The following OSGEP variants were observed in gnomAD, a reference collection of about 807,000 sequenced individuals.
The protein encoded by OSGEP is tRNA N6-adenosine threonylcarbamoyltransferase.
Under a neutral mutation model 44.1 loss-of-function variants are expected in OSGEP, and 39 were observed. The observed-to-expected ratio is 0.88, with a 90% CI of 0.69 to 1.16. The LOEUF (loss-of-function observed/expected upper bound fraction) is 1.16, where lower values mean the gene tolerates loss of function less well. Ranked by LOEUF, OSGEP falls within the 50% of genes most tolerant of loss-of-function variation. The pLI, the probability that OSGEP is intolerant of heterozygous loss-of-function variation, is 0.00. For synonymous variants in OSGEP, 139 were observed against 161.9 expected (o/e 0.86, Z 1.07); for missense variants, 403 against 443.1 (o/e 0.91, Z 0.81).
Position 20,448,829 on chromosome 14 carries a change from T to C in OSGEP, c.558-18A>G. ...TCTTGCCTCTATGTGGGAATAAGCG[T>C]ACGAGGCACTAAGCCTACAGTCAGC... On this transcript the variant is annotated intron_variant, in intron 5 of 10. Coordinates refer to ENST00000206542, the MANE Select transcript of OSGEP (RefSeq NM_017807.4). 6 of 1,597,832 alleles carry C rather than the reference T, an allele frequency of 3.8e-6. No homozygotes were observed. Among genetic ancestry groups the C allele is most frequent in the Non-Finnish European group, 5.1e-6 (6 of 1,165,084 alleles).
At chr14:20,452,529 T>C (rs1881129854) in intron 1 of OSGEP, 81 bp from the exon 2 acceptor site, 1 of 1,389,700 alleles carries the variant, frequency 7.2e-7, no homozygotes, top group East Asian at 2.3e-5. Context: ...GCAACAGGAG[T>C]TTTAGTGATG....
intron 10 of OSGEP, 33 bp from the exon 11 acceptor site, chr14:20,447,312 C>T (rs756649916): frequency 1.3e-5 from 21 of 1,613,436 alleles, no homozygotes; most frequent in East Asian, 4.5e-5. Context: ...TGGTGGAGAG[C>T]GAGCCCTTAA....
intron 1 of OSGEP, among the ~76,000 whole-genome samples, chr14:20,453,515 C>T (rs376445858): frequency 1.1e-4 from 16 of 152,130 alleles, no homozygotes; most frequent in East Asian, 7.8e-4. Context: ...TACAGGCATG[C>T]GCCACCACGC....
chr14:20,452,465 G>C lies in OSGEP; in HGVS notation c.116-17C>G. The C allele has an allele frequency of 6.2e-7, 1 of 1,612,540 alleles. No individual in the cohort carries two copies. The highest frequency in any genetic ancestry group is 8.5e-7 in the Non-Finnish European group (1 of 1,179,162). Reference sequence around the variant, plus strand: ...GAAGGAATCCTAGAAAATGAACATAGGTCAGAGATCACAGGGATTTTCTGT... The same window carrying C: ...GAAGGAATCCTAGAAAATGAACATACGTCAGAGATCACAGGGATTTTCTGT... On this transcript the variant is annotated splice_polypyrimidine_tract_variant and intron_variant, in intron 1 of 10. Coordinates refer to ENST00000206542, the MANE Select transcript of OSGEP (RefSeq NM_017807.4).
chr14:20,451,099 A>G (rs1881084040), intron 3 of OSGEP, among the ~76,000 whole-genome samples: 1 of 152,176 alleles, frequency 6.6e-6, no homozygotes, highest in South Asian at 2.1e-4. Context: ...ATAAGAGCGA[A>G]ACTCCATCTC....
chr14:20,453,903 TAGCTAC>T (rs1363206676), intron 1 of OSGEP, among the ~76,000 whole-genome samples: 1 of 151,776 alleles, frequency 6.6e-6, no homozygotes, highest in Non-Finnish European at 1.5e-5. Context: ...CCTATAGTCC[TAGCTAC>T]TTGGGAGGCT....
chr14:20,450,758 T>G (rs932988334), intron 3 of OSGEP: 1 of 152,150 alleles, frequency 6.6e-6, no homozygotes, highest in Admixed American at 6.5e-5. Flanking sequence ...AAGAATCCAA[T>G]CCCAACCTTA....
intron 1 of OSGEP, 41 bp from the exon 2 acceptor site, chr14:20,452,489 G>A (rs367981967): frequency 6.2e-7 from 1 of 1,604,404 alleles, no homozygotes; most frequent in African/African-American, 1.3e-5. Flanking sequence ...GGGATTTTCT[G>A]TAGCAAAGGT....
In OSGEP at chr14:20,449,255, G is replaced by C. The variant is rs1881035525; in HGVS notation, c.423C>G (p.Tyr141Ter). The C allele has an allele frequency of 6.2e-7, 1 of 1,603,368 alleles. No homozygotes were observed. Among genetic ancestry groups the C allele is most frequent in the Non-Finnish European group, 8.5e-7 (1 of 1,170,388 alleles). Residue 141 changes from tyrosine (Y) to a stop codon, truncating the protein, a stop_gained, in exon 4 of 11, where the codon TAC (tyrosine) becomes TAG (stop). Transcript: ENST00000206542. LOFTEE classifies it high-confidence loss of function. ...CAAAGATACGGTAACGATGTTCCGA[G>C]TATGCAATCACCTAAGGGTGATGAG... ...VSGGNTQVIA[Y>*]SEHRYRIFGE...
intron 3 of OSGEP, 98 bp downstream of exon 3, chr14:20,451,876 T>C: frequency 8.7e-7 from 1 of 1,144,408 alleles, no homozygotes; most frequent in Non-Finnish European, 1.2e-6. Flanking sequence ...GATAAGTCCA[T>C]CTTTGTTCCT....
In OSGEP at chr14:20,447,498, T is replaced by C; in HGVS notation, c.892A>G (p.Met298Val). The C allele has an allele frequency of 6.2e-7, 1 of 1,614,132 alleles. No individual in the cohort carries two copies. Among genetic ancestry groups the C allele is most frequent in the East Asian group, 2.2e-5 (1 of 44,882 alleles). ...ATCTCCCAGCCAGCCTGGGCTATCA[T>C]CGCTCCATTGTCAATACAGAATCTG... ...DERFCIDNGA[M>V]IAQAGWEMFR... Residue 298 changes from methionine (M) to valine (V), a missense_variant, in exon 10 of 11, where the codon ATG becomes GTG. Coordinates refer to ENST00000206542, the MANE Select transcript of OSGEP (RefSeq NM_017807.4).
chr14:20,454,493 T>C (rs539227548), intron 1 of OSGEP, 76 bp downstream of exon 1: 1 of 967,472 alleles, frequency 1.0e-6, no homozygotes, highest in Non-Finnish European at 1.7e-6. Context: ...TGCACCTCAC[T>C]AGTATTTAGG....
intron 2 of OSGEP, 26 bp downstream of exon 2, chr14:20,452,303 A>G (rs1213706867): frequency 1.2e-6 from 2 of 1,612,416 alleles, no homozygotes; most frequent in East Asian, 2.2e-5. Context: ...ATATTCCTCC[A>G]TCGTTGACCA....
At chr14:20,447,582 G>C in intron 9 of OSGEP, 33 bp downstream of exon 9, 3 of 1,610,090 alleles carry the variant, frequency 1.9e-6, no homozygotes, top group Non-Finnish European at 2.6e-6. Context: ...AACAGGAGAA[G>C]TAAAAAAGAA....
chr14:20,451,097 G>A lies in OSGEP; in HGVS notation c.411+877C>T, dbSNP rs1037553452. On this transcript the variant is annotated intron_variant, in intron 3 of 10. Transcript: ENST00000206542. ...GCACTCCAACCTGGACAATAAGAGC[G>A]AAACTCCATCTCAAATAAATAAATA... 2.0e-4 allele frequency among the ~76,000 whole-genome samples: 31 copies of A among 151,958 alleles called. 1 individual carries two copies. The highest frequency in any genetic ancestry group is 5.9e-5 in the Non-Finnish European group (4 of 67,976).
At chr14:20,448,229 G>C (rs1594406971) in intron 6 of OSGEP, 58 bp from the exon 7 acceptor site, 11 of 1,418,312 alleles carry the variant, frequency 7.8e-6, no homozygotes, top group South Asian at 2.3e-5. Context: ...GATTACACGA[G>C]AGCAAAAATT....
chr14:20,447,093 G>A lies in OSGEP; in HGVS notation c.*147C>T. The A allele has an allele frequency of 1.4e-6, 1 of 699,256 alleles. No individual in the cohort carries two copies. The highest frequency in any genetic ancestry group is 2.6e-6 in the Non-Finnish European group (1 of 391,778). The allele number at this position is 699,256 out of a possible 1,614,324, so 43.3% of individuals were successfully genotyped here. A position where few individuals can be genotyped will look rare whatever the true frequency, so the allele number is the denominator to read the frequency against. On this transcript the variant is annotated 3_prime_UTR_variant, in exon 11 of 11. Coordinates refer to ENST00000206542, the MANE Select transcript of OSGEP (RefSeq NM_017807.4). The stretch of plus-strand genomic sequence containing the variant: ...AAAACCAAAAATATTTTATTGCTGA[G>A]TCATCCTGGGGTTCCATAAAGGACC...
At chr14:20,447,843 C>G (rs1880992390) in intron 8 of OSGEP, 61 bp downstream of exon 8, 8 of 1,314,364 alleles carry the variant, frequency 6.1e-6, no homozygotes, top group Non-Finnish European at 7.7e-6. Flanking sequence ...ATTTAGAGTA[C>G]CAGGAGGAAG....
Position 20,446,802 on chromosome 14 carries a change from G to A in OSGEP, c.*438C>T, listed in dbSNP as rs757004282. On this transcript the variant is annotated 3_prime_UTR_variant, in exon 11 of 11. Coordinates refer to ENST00000206542, the MANE Select transcript of OSGEP (RefSeq NM_017807.4). Reference sequence around the variant, plus strand: ...AGAATGAATGTAAAGCAGTTAGCACGGGACCCGATGCTATAATAATAGTTA... The same window carrying A: ...AGAATGAATGTAAAGCAGTTAGCACAGGACCCGATGCTATAATAATAGTTA... 3.0e-5 allele frequency: 5 copies of A among 167,006 alleles called. No individual in the cohort carries two copies. The highest frequency in any genetic ancestry group is 1.7e-4 in the East Asian group (1 of 5,798). The allele number at this position is 167,006 out of a possible 1,614,324, so 10.3% of individuals were successfully genotyped here.
Sources: gnomAD v4.1 joint callset for allele counts (sites outside exome capture counted in the v4.1 genomes callset) on GRCh38, gnomAD v4.1.1 for gene constraint, MANE v1.5 for transcripts, NCBI Gene and HGNC (gene_info 2026-07-23, HGNC 2026-07-21) for gene names.